Variants in ADAMTS5 observed in about 807,000 individuals in gnomAD.
The protein encoded by ADAMTS5 is ADAM metallopeptidase with thrombospondin type 1 motif 5.
Under a neutral mutation model 81.4 loss-of-function variants are expected in ADAMTS5, and 54 were observed. That is an observed-to-expected ratio of 0.66 (90% CI 0.53 to 0.83). ADAMTS5 has a LOEUF of 0.83. ADAMTS5 is among the 40% of genes least tolerant of loss of function. The pLI is 0.00. For missense variants in ADAMTS5, 1,194 were observed against 1,229.9 expected (o/e 0.97, Z 0.44); for synonymous variants, 532 against 508.8 (o/e 1.05, Z -0.61).
chr21:26,932,240 T>C, intron 5 of ADAMTS5, 61 bp from the exon 6 acceptor site: 1 of 1,522,988 alleles, frequency 6.6e-7, no homozygotes. Flanking sequence ...TATATTCTTG[T>C]GGGTTTAAAT....
chr21:26,942,442 C>G (rs549284559), intron 3 of ADAMTS5, among the ~76,000 whole-genome samples: 4 of 152,060 alleles, frequency 2.6e-5, no homozygotes, highest in African/African-American at 9.7e-5. Flanking sequence ...AATTTAACTA[C>G]TAGTTTTAGA....
chr21:26,965,622 C>A lies in ADAMTS5; in HGVS notation c.770G>T (p.Arg257Leu). The A allele has an allele frequency of 6.3e-6, 10 of 1,597,414 alleles. No individual in the cohort carries two copies. Among genetic ancestry groups the A allele is most frequent in the South Asian group, 1.1e-5 (1 of 89,892 alleles). The change falls in exon 1 of 8, where the codon CGG (arginine) becomes CTG (leucine). Residue 257 changes from arginine (R) to leucine (L), a missense_variant. Physicochemically the swap from Arg to Leu is moderately radical, Grantham distance 102 (BLOSUM62 -2). Around this residue, in one of 2 missense-constraint regions of ADAMTS5, gnomAD observed 498 missense variants for 412.3 expected, o/e 1.21. Coordinates refer to ENST00000284987, the MANE Select transcript of ADAMTS5 (RefSeq NM_007038.5). The part of the protein sequence containing the change: ...AGGSGPQTWW[R>L]RRRRSISRAR... The stretch of plus-strand genomic sequence containing the variant: ...CCGGGAGATGGAGCGGCGCCGCCGC[C>A]GCCACCACGTCTGCGGTCCTGAGCC...
intron 3 of ADAMTS5, among the ~76,000 whole-genome samples, chr21:26,942,281 C>T (rs1482816066): frequency 1.3e-5 from 2 of 152,072 alleles, no homozygotes; most frequent in African/African-American, 2.4e-5. Context: ...CAGTTCCAAA[C>T]AGTCAACATA....
intron 1 of ADAMTS5, 58 bp downstream of exon 1, chr21:26,965,230 C>A: frequency 6.5e-7 from 1 of 1,547,734 alleles, no homozygotes; most frequent in Non-Finnish European, 8.7e-7. Flanking sequence ...CAGCAAGATT[C>A]CCTTCTACCT....
chr21:26,961,319 AT>A (rs1290665344), intron 1 of ADAMTS5, among the ~76,000 whole-genome samples: 4 of 152,272 alleles, frequency 2.6e-5, no homozygotes, highest in African/African-American at 9.6e-5. Flanking sequence ...AGCTGGCTGA[AT>A]CTAAATCCAA....
At chr21:26,943,772 T>C (rs1455173299) in intron 2 of ADAMTS5, among the ~76,000 whole-genome samples, 1 of 152,102 alleles carries the variant, frequency 6.6e-6, no homozygotes, top group Non-Finnish European at 1.5e-5. Flanking sequence ...AACTAAAGAG[T>C]AGATGTTCCC....
intron 1 of ADAMTS5, among the ~76,000 whole-genome samples, chr21:26,960,149 T>C (rs964331311): frequency 3.3e-5 from 5 of 152,198 alleles, no homozygotes; most frequent in Non-Finnish European, 7.3e-5. Flanking sequence ...CTTCCTAACA[T>C]TTCTTGACCC....
At chr21:26,950,034 G>A (rs75802272) in intron 2 of ADAMTS5, among the ~76,000 whole-genome samples, 3,922 of 152,218 alleles carry the variant, frequency 0.026, 175 homozygotes, top group African/African-American at 0.088. Context: ...AAACACAGGC[G>A]GCTTTGCTGT....
At chr21:26,926,232 G>A (rs1986803391) in intron 7 of ADAMTS5, among the ~76,000 whole-genome samples, 1 of 152,186 alleles carries the variant, frequency 6.6e-6, no homozygotes, top group Non-Finnish European at 1.5e-5. Flanking sequence ...CTGCACTCCA[G>A]CCCGAGTAAC....
intron 2 of ADAMTS5, among the ~76,000 whole-genome samples, chr21:26,943,860 T>C (rs1198958141): frequency 1.3e-5 from 2 of 152,204 alleles, no homozygotes; most frequent in Admixed American, 1.3e-4. Context: ...TGCGAGACAA[T>C]TGTGGGATTA....
chr21:26,955,598 C>T (rs983456208), intron 1 of ADAMTS5, among the ~76,000 whole-genome samples: 1 of 152,070 alleles, frequency 6.6e-6, no homozygotes, highest in Admixed American at 6.6e-5. Context: ...GAACATGATT[C>T]CACCCCAATA....
At position 26,924,528 on chromosome 21, in the gene ADAMTS5, G is replaced by T; in HGVS notation, c.2318C>A (p.Ala773Asp). ...GTTTTTCTTTTTCAGGGCTAAATAG[G>T]CAGTGAATCTAGTCTGGTCTTTGGC... ...FKAKDQTRFT[A>D]YLALKKKNGE... The change falls in exon 8 of 8, where the codon GCC (alanine) becomes GAC (aspartate). Residue 773 changes from alanine (A) to aspartate (D), a missense_variant. Physicochemically the swap from Ala to Asp is moderately radical, Grantham distance 126. This residue lies in a region of ADAMTS5 where 696 missense variants were observed against 817.6 expected (regional missense o/e 0.85). Coordinates refer to ENST00000284987, the MANE Select transcript of ADAMTS5 (RefSeq NM_007038.5). The T allele has an allele frequency of 6.2e-7, 1 of 1,614,094 alleles. No homozygotes were observed. Among genetic ancestry groups the T allele is most frequent in the Non-Finnish European group, 8.5e-7 (1 of 1,180,016 alleles).
intron 2 of ADAMTS5, among the ~76,000 whole-genome samples, chr21:26,946,340 A>G (rs1285054975): frequency 6.6e-6 from 1 of 152,224 alleles, no homozygotes. Flanking sequence ...GCAAAAGTAT[A>G]CAAAAGTATA....
Position 26,919,654 on chromosome 21 carries a change from T to A in ADAMTS5, c.*4399A>T, listed in dbSNP as rs1318170470. The A allele has an allele frequency of 6.6e-6, 1 of 152,040 alleles. No homozygotes were observed. The highest frequency in any genetic ancestry group is 1.5e-5 in the Non-Finnish European group (1 of 67,974). The allele number at this position is 152,040 out of a possible 1,614,324, so 9.4% of individuals were successfully genotyped here. A position where few individuals can be genotyped will look rare whatever the true frequency, so the allele number is the denominator to read the frequency against. ...TGCATGGTTTTGTATTTCAATATGT[T>A]CTCATACATTAAATAAATGAAACAC... On this transcript the variant is annotated 3_prime_UTR_variant, in exon 8 of 8. Transcript: ENST00000284987.
At chr21:26,948,718 ACT>A (rs937803601) in intron 2 of ADAMTS5, among the ~76,000 whole-genome samples, 1 of 152,134 alleles carries the variant, frequency 6.6e-6, no homozygotes, top group Non-Finnish European at 1.5e-5. Flanking sequence ...GAAGGAAGAA[ACT>A]CTAACTTTTT....
chr21:26,951,017 A>G (rs1987306719), intron 2 of ADAMTS5, among the ~76,000 whole-genome samples: 1 of 152,152 alleles, frequency 6.6e-6, no homozygotes, highest in Non-Finnish European at 1.5e-5. Flanking sequence ...CACCATGCCC[A>G]GCTATTTTTT....
In ADAMTS5 at chr21:26,934,744, A is replaced by T; in HGVS notation, c.1411T>A (p.Cys471Ser). The T allele has an allele frequency of 6.2e-7, 1 of 1,613,578 alleles. No homozygotes were observed. Among genetic ancestry groups the T allele is most frequent in the Non-Finnish European group, 8.5e-7 (1 of 1,179,656 alleles). The change falls in exon 4 of 8, where the codon TGT (cysteine) becomes AGT (serine). Residue 471 changes from cysteine (C) to serine (S), a missense_variant. By Grantham distance (112) the Cys-to-Ser change is moderately radical. Transcript: ENST00000284987. ...TEFLDDGHGN[C>S]LLDLPRKQIL... ...TGCTTTCGTGGTAGGTCCAGCAAACAGTTACCTACAAGAATAACTGAGATT... is the reference window on the plus strand; with the variant it reads ...TGCTTTCGTGGTAGGTCCAGCAAACTGTTACCTACAAGAATAACTGAGATT...
At chr21:26,962,294 G>A (rs768664836) in intron 1 of ADAMTS5, among the ~76,000 whole-genome samples, 20 of 152,156 alleles carry the variant, frequency 1.3e-4, no homozygotes, top group Non-Finnish European at 2.5e-4. Flanking sequence ...AAAGGATTCT[G>A]GAAAGCAAAG....
At chr21:26,934,186 GT>G (rs1326678141) in intron 4 of ADAMTS5, among the ~76,000 whole-genome samples, 1 of 152,050 alleles carries the variant, frequency 6.6e-6, no homozygotes, top group East Asian at 1.9e-4. Flanking sequence ...AATTAATAGG[GT>G]CCTACCTGAG....
Sources: allele counts gnomAD v4.1 joint callset (sites outside exome capture counted in the v4.1 genomes callset), GRCh38; gene constraint gnomAD v4.1.1; regional missense constraint gnomAD v4.1.1; transcripts MANE v1.5; gene names NCBI Gene and HGNC (gene_info 2026-07-23, HGNC 2026-07-21).